Variants in AGBL1 observed in about 807,000 individuals in gnomAD.
AGBL1 encodes the protein AGBL carboxypeptidase 1.
Under a neutral mutation model 118.9 loss-of-function variants are expected in AGBL1, and 130 were observed. The observed-to-expected ratio is 1.09, with a 90% CI of 0.95 to 1.26. The LOEUF (loss-of-function observed/expected upper bound fraction) is 1.26, where lower values mean the gene tolerates loss of function less well. AGBL1 is among the 50% of genes most tolerant of loss of function. AGBL1 has a pLI of 0.00. For missense variants in AGBL1, 1,584 were observed against 1,298.1 expected, an observed-to-expected ratio of 1.22 and a Z score of -3.38; for synonymous variants, 555 against 478.9, an observed-to-expected ratio of 1.16 and a Z score of -2.08.
chr15:86,216,978 T>C (rs569280040), intron 5 of AGBL1, among the ~76,000 whole-genome samples: 1 of 152,214 alleles, frequency 6.6e-6, no homozygotes, highest in Admixed American at 6.5e-5. Context: ...TCCTGATAAT[T>C]GCATGACAAC....
At chr15:86,268,327 C>T (rs2079105295) in intron 13 of AGBL1, among the ~76,000 whole-genome samples, 1 of 152,024 alleles carries the variant, frequency 6.6e-6, no homozygotes, top group Admixed American at 6.6e-5. Flanking sequence ...CTTTCTCAGC[C>T]CTCTTTGTGT....
chr15:86,461,552 T>A (rs1416146315), intron 18 of AGBL1, among the ~76,000 whole-genome samples: 2 of 152,180 alleles, frequency 1.3e-5, no homozygotes, highest in Non-Finnish European at 2.9e-5. Context: ...CCTTTAAGAT[T>A]TCACAGGAGT....
chr15:87,017,192 GC>G (rs2081615540), intron 24 of AGBL1, among the ~76,000 whole-genome samples: 1 of 152,084 alleles, frequency 6.6e-6, no homozygotes, highest in African/African-American at 2.4e-5. Context: ...GGTTGACTCA[GC>G]TTTTCCAGCC....
intron 15 of AGBL1, among the ~76,000 whole-genome samples, chr15:86,275,608 A>G (rs1167576556): frequency 6.6e-6 from 1 of 152,240 alleles, no homozygotes; most frequent in Non-Finnish European, 1.5e-5. Context: ...GCCTTTGTGT[A>G]CTTGCTCCTT....
chr15:86,383,575 A>G (rs2081142780), intron 17 of AGBL1, among the ~76,000 whole-genome samples: 1 of 152,200 alleles, frequency 6.6e-6, no homozygotes, highest in African/African-American at 2.4e-5. Context: ...CAACGGAGTG[A>G]GACTCCATCT....
intron 21 of AGBL1, among the ~76,000 whole-genome samples, chr15:86,668,239 C>A (rs1417968314): frequency 6.6e-6 from 1 of 152,196 alleles, no homozygotes. Flanking sequence ...CAATTCATAT[C>A]ATCCACCTTT....
chr15:86,385,524 A>T (rs1319312618), intron 17 of AGBL1, among the ~76,000 whole-genome samples: 1 of 152,186 alleles, frequency 6.6e-6, no homozygotes, highest in African/African-American at 2.4e-5. Flanking sequence ...AGTAGAGGAA[A>T]ATTTCTGAAA....
intron 21 of AGBL1, among the ~76,000 whole-genome samples, chr15:86,562,402 C>T (rs954430869): frequency 6.6e-6 from 1 of 151,970 alleles, no homozygotes; most frequent in African/African-American, 2.4e-5. Context: ...TGAGATAATC[C>T]TGTGGTTTTT....
At chr15:86,828,553 A>G (rs184877660) in intron 22 of AGBL1, among the ~76,000 whole-genome samples, 25 of 152,218 alleles carry the variant, frequency 1.6e-4, no homozygotes, top group Non-Finnish European at 2.6e-4. Context: ...GGAAGGGGCT[A>G]CAAGCTGAAT....
chr15:87,017,180 C>T (rs149266762), intron 24 of AGBL1, among the ~76,000 whole-genome samples: 142 of 152,232 alleles, frequency 9.3e-4, no homozygotes, highest in African/African-American at 3.3e-3. Context: ...ATTCTGTGTT[C>T]TGGTTGACTC....
chr15:86,954,369 T>C (rs2080909165), intron 23 of AGBL1, among the ~76,000 whole-genome samples: 1 of 152,240 alleles, frequency 6.6e-6, no homozygotes, highest in African/African-American at 2.4e-5. Context: ...ATCACTGTGC[T>C]ATTCACAATA....
At chr15:86,830,504 G>C (rs980965215) in intron 22 of AGBL1, among the ~76,000 whole-genome samples, 3 of 152,158 alleles carry the variant, frequency 2.0e-5, no homozygotes, top group African/African-American at 7.2e-5. Context: ...TCTCTGACTA[G>C]TTTATCCCTG....
intron 22 of AGBL1, among the ~76,000 whole-genome samples, chr15:86,786,310 G>A (rs939399817): frequency 1.3e-5 from 2 of 151,914 alleles, no homozygotes; most frequent in African/African-American, 4.8e-5. Flanking sequence ...ATTCTTCCGG[G>A]ACTAACACTT....
intron 22 of AGBL1, among the ~76,000 whole-genome samples, chr15:86,891,963 C>G (rs1041738334): frequency 5.3e-5 from 8 of 152,140 alleles, no homozygotes; most frequent in Non-Finnish European, 8.8e-5. Context: ...CAGAGGTCCT[C>G]TCATGTAAAT....
intron 21 of AGBL1, among the ~76,000 whole-genome samples, chr15:86,579,177 T>A (rs1475745599): frequency 6.6e-6 from 1 of 152,212 alleles, no homozygotes; most frequent in Non-Finnish European, 1.5e-5. Flanking sequence ...AATTTTCAGA[T>A]GTCAAAAAGC....
intron 24 of AGBL1, among the ~76,000 whole-genome samples, chr15:87,028,380 T>A (rs2141815936): frequency 6.6e-6 from 1 of 152,120 alleles, no homozygotes; most frequent in East Asian, 1.9e-4. Context: ...AGTGAGTAAG[T>A]CAGTTGAATT....
intron 17 of AGBL1, among the ~76,000 whole-genome samples, chr15:86,300,870 C>T (rs1170314366): frequency 2.0e-5 from 3 of 152,182 alleles, no homozygotes; most frequent in African/African-American, 7.2e-5. Flanking sequence ...TAGCTGTTCT[C>T]AGAAAAAAGA....
intron 17 of AGBL1, among the ~76,000 whole-genome samples, chr15:86,367,096 T>C: frequency 6.6e-6 from 1 of 152,204 alleles, no homozygotes; most frequent in South Asian, 2.1e-4. Context: ...GACCATTAGT[T>C]AAGAACTGTT....
At chr15:86,689,407 A>G (rs989140948) in intron 22 of AGBL1, among the ~76,000 whole-genome samples, 1 of 152,120 alleles carries the variant, frequency 6.6e-6, no homozygotes, top group Non-Finnish European at 1.5e-5. Flanking sequence ...AAGGAATTTT[A>G]TCTGTCTTAT....
Sources: gnomAD v4.1 joint callset for allele counts (sites outside exome capture counted in the v4.1 genomes callset) on GRCh38, gnomAD v4.1.1 for gene constraint, MANE v1.5 for transcripts, NCBI Gene and HGNC (gene_info 2026-07-23, HGNC 2026-07-21) for gene names.